ANO2: variants seen among roughly 807,000 people sequenced by gnomAD.
The protein encoded by ANO2 is anoctamin-2.
ANO2 carries 101 observed loss-of-function variants against 124.2 expected under a neutral mutation model. That is an observed-to-expected ratio of 0.81 (90% CI 0.69 to 0.96). The LOEUF (loss-of-function observed/expected upper bound fraction) is 0.96, where lower values mean the gene tolerates loss of function less well. Among genes scored for constraint, ANO2 ranks in the 40% least tolerant of loss-of-function variants. The pLI, the probability that ANO2 is intolerant of heterozygous loss-of-function variation, is 0.00. For missense variants in ANO2, 1,293 were observed against 1,274.5 expected, an observed-to-expected ratio of 1.01 and a Z score of -0.22; for synonymous variants, 486 against 482.5, an observed-to-expected ratio of 1.01 and a Z score of -0.09.
At chr12:5,806,214 G>T in intron 8 of ANO2, 121 bp from the exon 9 acceptor site, 1 of 1,045,566 alleles carries the variant, frequency 9.6e-7, no homozygotes, top group Non-Finnish European at 1.4e-6. Context: ...CCCATTTAAG[G>T]AAGGTCAAAA....
At chr12:5,943,849 T>C (rs1942990288) in intron 1 of ANO2, among the ~76,000 whole-genome samples, 1 of 151,936 alleles carries the variant, frequency 6.6e-6, no homozygotes, top group South Asian at 2.1e-4. Context: ...TTACAGAAAA[T>C]TATAGACACA....
At chr12:5,737,687 C>T (rs1237931706) in intron 13 of ANO2, among the ~76,000 whole-genome samples, 2 of 152,116 alleles carry the variant, frequency 1.3e-5, no homozygotes, top group Non-Finnish European at 2.9e-5. Flanking sequence ...CTCTCTCTGT[C>T]TCTCTCATAT....
intron 20 of ANO2, among the ~76,000 whole-genome samples, chr12:5,587,517 T>C (rs1439663751): frequency 6.6e-6 from 1 of 152,140 alleles, no homozygotes; most frequent in Non-Finnish European, 1.5e-5. Context: ...ATGACAGGGC[T>C]GTGAGGGGCC....
Position 5,563,384 on chromosome 12 carries a change from C to T in ANO2, c.2912G>A (p.Arg971Lys). 1 of 1,606,960 alleles carries T rather than the reference C, an allele frequency of 6.2e-7. No individual in the cohort carries two copies. The highest frequency in any genetic ancestry group is 8.5e-7 in the Non-Finnish European group (1 of 1,177,258). Reference sequence around the variant, plus strand: ...AGGTGCTGAGCTGGCTGCCCGGCTCCTGCTTCGATCCCCACCTCCTGGGCT... The same window carrying T: ...AGGTGCTGAGCTGGCTGCCCGGCTCTTGCTTCGATCCCCACCTCCTGGGCT... ...LRSPGGGDRS[R>K]SRAASSAPSG... The change falls in exon 25 of 25, where the codon AGG becomes AAG. Residue 971 changes from arginine (R) to lysine (K), a missense_variant. Physicochemically the swap from Arg to Lys is conservative, Grantham distance 26. Transcript: ENST00000682330.
intron 20 of ANO2, among the ~76,000 whole-genome samples, chr12:5,579,056 G>C (rs1229748541): frequency 6.6e-6 from 1 of 152,244 alleles, no homozygotes; most frequent in East Asian, 1.9e-4. Context: ...GCCTTCCCTT[G>C]AAATAGCTTT....
At position 5,922,712 on chromosome 12, in the gene ANO2, TGA is replaced by T; in HGVS notation, c.113_114del (p.Leu38GlnfsTer41). 6.3e-7 allele frequency: 1 copy of T among 1,599,160 alleles called. No homozygotes were observed. The highest frequency in any genetic ancestry group is 8.5e-7 in the Non-Finnish European group (1 of 1,174,240). On this transcript the variant is annotated frameshift_variant, in exon 2 of 25. Transcript: ENST00000682330. LOFTEE classifies it high-confidence loss of function. ...GQGPKHGQQC[L>X]KMPGPRAPGL... ...CCTGGGGCCCGGGGACCTGGCATCT[TGA>T]GACACTGCTGTCCATGTTTGGGGCC...
At chr12:5,814,102 C>A (rs1330379496) in intron 7 of ANO2, among the ~76,000 whole-genome samples, 1 of 152,208 alleles carries the variant, frequency 6.6e-6, no homozygotes, top group African/African-American at 2.4e-5. Flanking sequence ...AGACCCCTGG[C>A]CTTCTGCCTA....
At chr12:5,940,209 C>G (rs1942841131) in intron 1 of ANO2, among the ~76,000 whole-genome samples, 2 of 152,170 alleles carry the variant, frequency 1.3e-5, no homozygotes, top group African/African-American at 4.8e-5. Flanking sequence ...AGATGCTTGC[C>G]TTCCCGTTTG....
chr12:5,902,972 A>G (rs1024490980), intron 3 of ANO2, among the ~76,000 whole-genome samples: 10 of 149,428 alleles, frequency 6.7e-5, no homozygotes, highest in South Asian at 2.2e-4. Flanking sequence ...AAAGGTCTCT[A>G]TGATTTTAGC....
At chr12:5,940,429 T>C (rs1942850324) in intron 1 of ANO2, among the ~76,000 whole-genome samples, 1 of 152,200 alleles carries the variant, frequency 6.6e-6, no homozygotes, top group East Asian at 1.9e-4. Context: ...GCCGTCCAAG[T>C]GGAGGGTCCT....
intron 13 of ANO2, chr12:5,732,988 C>G: frequency 8.2e-7 from 1 of 1,214,614 alleles, no homozygotes; most frequent in Non-Finnish European, 1.2e-6. Context: ...AGAGGGATAT[C>G]CCTGGTCATC....
At chr12:5,578,202 C>A (rs1314397475) in intron 21 of ANO2, among the ~76,000 whole-genome samples, 164 bp downstream of exon 21, 1 of 152,106 alleles carries the variant, frequency 6.6e-6, no homozygotes, top group Admixed American at 6.5e-5. Context: ...GTGGATAAAG[C>A]GGTCTCAGAA....
chr12:5,851,994 G>A, intron 4 of ANO2: 1 of 727,974 alleles, frequency 1.4e-6, no homozygotes, highest in Non-Finnish European at 2.5e-6. Context: ...TTAAAACATA[G>A]GAAACAAGAC....
chr12:5,583,450 G>A (rs569857297), intron 20 of ANO2, among the ~76,000 whole-genome samples: 13 of 151,846 alleles, frequency 8.6e-5, no homozygotes, highest in Middle Eastern at 6.8e-3. Flanking sequence ...TCAGGAGATC[G>A]AGACCATCTT....
intron 14 of ANO2, among the ~76,000 whole-genome samples, chr12:5,714,721 C>T (rs777325084): frequency 7.9e-5 from 12 of 152,098 alleles, no homozygotes; most frequent in Non-Finnish European, 1.6e-4. Context: ...ATTTTAGACA[C>T]GATTAAGAAT....
At chr12:5,584,553 G>T (rs1026481109) in intron 20 of ANO2, among the ~76,000 whole-genome samples, 1 of 152,202 alleles carries the variant, frequency 6.6e-6, no homozygotes, top group East Asian at 1.9e-4. Flanking sequence ...GAAAGATTCC[G>T]CTAGAAACAG....
At chr12:5,821,844 C>T (rs1332031543) in intron 7 of ANO2, among the ~76,000 whole-genome samples, 1 of 152,278 alleles carries the variant, frequency 6.6e-6, no homozygotes, top group East Asian at 1.9e-4. Context: ...TGTGATTGGG[C>T]TCAAGCAGGT....
At chr12:5,827,033 T>G (rs1165245555) in intron 7 of ANO2, among the ~76,000 whole-genome samples, 1 of 152,214 alleles carries the variant, frequency 6.6e-6, no homozygotes, top group African/African-American at 2.4e-5. Context: ...ATGACTCCTG[T>G]GCAAAAGGTG....
At chr12:5,613,835 T>C (rs573756966) in intron 17 of ANO2, among the ~76,000 whole-genome samples, 1 of 152,240 alleles carries the variant, frequency 6.6e-6, no homozygotes, top group Non-Finnish European at 1.5e-5. Flanking sequence ...AGGATCCTTT[T>C]TTCTTGCCTA....
Sources: allele counts gnomAD v4.1 joint callset (sites outside exome capture counted in the v4.1 genomes callset), GRCh38; gene constraint gnomAD v4.1.1; transcripts MANE v1.5; gene names NCBI Gene and HGNC (gene_info 2026-07-23, HGNC 2026-07-21).